The following GBE1 variants were observed in gnomAD, a reference collection of about 807,000 sequenced individuals.
The protein encoded by GBE1 is 1,4-alpha-glucan branching enzyme 1.
A neutral mutation model predicts 88.8 loss-of-function variants in GBE1; 70 were observed. The observed-to-expected ratio is 0.79, with a 90% CI of 0.65 to 0.96. GBE1 has a LOEUF of 0.96. GBE1 is among the 40% of genes least tolerant of loss of function. GBE1 has a pLI of 0.00. For missense variants in GBE1, 872 were observed against 871.0 expected, an observed-to-expected ratio of 1.00 and a Z score of -0.01; for synonymous variants, 284 against 300.1, an observed-to-expected ratio of 0.95 and a Z score of 0.56.
Position 81,686,856 on chromosome 3 carries a change from C to T in GBE1, c.314-15903G>A, listed in dbSNP as rs75973928. On this transcript the variant is annotated intron_variant, in intron 2 of 15. Coordinates refer to ENST00000429644, the MANE Select transcript of GBE1 (RefSeq NM_000158.4). ...TGCCTTAGTATAAAATCTTCTCATT[C>T]TTATTACGTAGGTATTTATATGCAT... is the stretch of plus-strand genomic sequence containing the variant. Among the ~76,000 whole-genome samples the T allele has an allele frequency of 5.5e-3, 832 of 152,250 alleles. 2 individuals carry two copies. The highest frequency in any genetic ancestry group is 0.019 in the African/African-American group (796 of 41,540).
At chr3:81,702,546 T>A (rs1299558459) in intron 2 of GBE1, among the ~76,000 whole-genome samples, 1 of 152,056 alleles carries the variant, frequency 6.6e-6, no homozygotes, top group Non-Finnish European at 1.5e-5. Context: ...TCTTATCTCT[T>A]CAATAAAAAT....
intron 1 of GBE1, among the ~76,000 whole-genome samples, chr3:81,722,502 A>G (rs1706047779): frequency 6.6e-6 from 1 of 151,968 alleles, no homozygotes; most frequent in African/African-American, 2.4e-5. Flanking sequence ...GAAAGGATCT[A>G]TAATATTACT....
At chr3:81,520,705 C>T (rs377006534) in intron 14 of GBE1, among the ~76,000 whole-genome samples, 2 of 151,558 alleles carry the variant, frequency 1.3e-5, no homozygotes, top group Admixed American at 1.3e-4. Flanking sequence ...ATGAAACCTG[C>T]CTATTTATTA....
At chr3:81,591,989 C>T (rs979036069) in intron 8 of GBE1, among the ~76,000 whole-genome samples, 2 of 151,868 alleles carry the variant, frequency 1.3e-5, no homozygotes, top group South Asian at 2.1e-4. Flanking sequence ...TTGATGCTGT[C>T]GTTCTTTAAT....
chr3:81,599,957 C>G (rs1481012830), intron 7 of GBE1, among the ~76,000 whole-genome samples: 1 of 152,146 alleles, frequency 6.6e-6, no homozygotes, highest in African/African-American at 2.4e-5. Flanking sequence ...TGATTTATTT[C>G]TAATAGATTA....
chr3:81,751,464 A>G lies in GBE1; in HGVS notation c.143+9911T>C, dbSNP rs537070374. Among the ~76,000 whole-genome samples, 37 of 152,340 alleles carry G rather than the reference A, an allele frequency of 2.4e-4. No individual in the cohort carries two copies. In the South Asian group the frequency reaches 7.0e-3, roughly 29 times the overall value. On this transcript the variant is annotated intron_variant, in intron 1 of 15. Transcript: ENST00000429644. ...TAAGGATGACCATGGGACAATTCTGATCAATAACCTGTAAATGGGAAGAAC... is the reference window on the plus strand; with the variant it reads ...TAAGGATGACCATGGGACAATTCTGGTCAATAACCTGTAAATGGGAAGAAC...
At position 81,702,102 on chromosome 3, in the gene GBE1, A is replaced by T. The variant is rs148869289; in HGVS notation, c.313+3342T>A. Among the ~76,000 whole-genome samples the T allele has an allele frequency of 7.9e-3, 913 of 115,148 alleles. 14 individuals carry two copies. Among genetic ancestry groups the T allele is most frequent in the Non-Finnish European group, 0.012 (637 of 51,264 alleles). The allele number at this position is 115,148 out of a possible 152,430, so 75.5% of individuals were successfully genotyped here. On this transcript the variant is annotated intron_variant, in intron 2 of 15. Transcript: ENST00000429644. Reference sequence around the variant, plus strand: ...TCCCTGGAGAGAGAGAGAGAGAGAGAGTGTGTGTGTGTGTGTGTGTGTGTG... The same window carrying T: ...TCCCTGGAGAGAGAGAGAGAGAGAGTGTGTGTGTGTGTGTGTGTGTGTGTG...
intron 12 of GBE1, among the ~76,000 whole-genome samples, chr3:81,557,934 GT>G (rs1703369452): frequency 6.6e-6 from 1 of 152,050 alleles, no homozygotes; most frequent in Non-Finnish European, 1.5e-5. Flanking sequence ...AGTTCAGGTA[GT>G]GGGTGCAGAG....
intron 7 of GBE1, among the ~76,000 whole-genome samples, chr3:81,637,530 T>A (rs1704608184): frequency 6.6e-6 from 1 of 152,158 alleles, no homozygotes; most frequent in Admixed American, 6.6e-5. Context: ...TCTCTAACTT[T>A]ACCAAATAAT....
At chr3:81,623,796 C>A (rs1233250416) in intron 7 of GBE1, among the ~76,000 whole-genome samples, 1 of 152,092 alleles carries the variant, frequency 6.6e-6, no homozygotes, top group East Asian at 1.9e-4. Flanking sequence ...TCCTGAGTAG[C>A]TGGGACTTCA....
rs571028865 is a variant in GBE1, at chr3:81,702,102, AGT to A, written c.313+3340_313+3341del. Among the ~76,000 whole-genome samples, 966 of 115,112 alleles carry A rather than the reference AGT, an allele frequency of 8.4e-3. 6 individuals are homozygous for A. The highest frequency in any genetic ancestry group is 0.021 in the East Asian group (88 of 4,226). 75.5% of individuals were successfully genotyped at this position (115,112 alleles called of 152,430 possible). On this transcript the variant is annotated intron_variant, in intron 2 of 15. Coordinates refer to ENST00000429644, the MANE Select transcript of GBE1 (RefSeq NM_000158.4). ...TCCCTGGAGAGAGAGAGAGAGAGAG[AGT>A]GTGTGTGTGTGTGTGTGTGTGTGTG...
At chr3:81,492,717 C>CCT (rs1559622762) in intron 15 of GBE1, among the ~76,000 whole-genome samples, 67 of 118,440 alleles carry the variant, frequency 5.7e-4, no homozygotes, top group African/African-American at 2.5e-3. Context: ...CCTTTCCTTC[C>CCT]TTCCTTCCTT....
chr3:81,524,458 T>G (rs142120515), intron 14 of GBE1, among the ~76,000 whole-genome samples: 8 of 152,054 alleles, frequency 5.3e-5, no homozygotes, highest in African/African-American at 1.7e-4. Context: ...GTTTCCTTTG[T>G]TGTGCAGAAG....
chr3:81,532,947 G>T (rs1703028996), intron 14 of GBE1, among the ~76,000 whole-genome samples: 1 of 151,864 alleles, frequency 6.6e-6, no homozygotes, highest in Non-Finnish European at 1.5e-5. Context: ...CTCCTCCCCT[G>T]CCACTTATTT....
intron 8 of GBE1, 23 bp downstream of exon 8, chr3:81,593,885 C>T (rs1437222546): frequency 2.4e-6 from 3 of 1,265,490 alleles, no homozygotes; most frequent in Middle Eastern, 1.8e-4. Context: ...TAACCCCAAA[C>T]CTGATTATAT....
At chr3:81,602,737 T>C (rs1200887505) in intron 7 of GBE1, among the ~76,000 whole-genome samples, 1 of 152,160 alleles carries the variant, frequency 6.6e-6, no homozygotes, top group African/African-American at 2.4e-5. Context: ...GATGAAGAAA[T>C]AAGAAGAGGA....
At chr3:81,671,918 G>C (rs926092201) in intron 2 of GBE1, among the ~76,000 whole-genome samples, 1 of 151,920 alleles carries the variant, frequency 6.6e-6, no homozygotes, top group African/African-American at 2.4e-5. Flanking sequence ...TACCAAAAGA[G>C]AGAGAGCATC....
intron 12 of GBE1, among the ~76,000 whole-genome samples, chr3:81,543,454 G>A (rs1464006146): frequency 1.3e-5 from 2 of 152,040 alleles, no homozygotes; most frequent in Non-Finnish European, 2.9e-5. Context: ...AAAATAAATG[G>A]AAGCAAATCA....
At chr3:81,558,543 T>C (rs1703378484) in intron 12 of GBE1, among the ~76,000 whole-genome samples, 1 of 152,036 alleles carries the variant, frequency 6.6e-6, no homozygotes, top group Non-Finnish European at 1.5e-5. Flanking sequence ...CTGTAAGTCC[T>C]AATAATTATA....
Sources: allele counts gnomAD v4.1 joint callset (sites outside exome capture counted in the v4.1 genomes callset), GRCh38; gene constraint gnomAD v4.1.1; transcripts MANE v1.5; gene names NCBI Gene and HGNC (gene_info 2026-07-23, HGNC 2026-07-21).